ABCC4: variants seen among roughly 807,000 people sequenced by gnomAD.
ABCC4 encodes ATP binding cassette subfamily C member 4 (PEL blood group).
Under a neutral mutation model 168.5 loss-of-function variants are expected in ABCC4, and 102 were observed. The observed-to-expected ratio is 0.61, with a 90% CI of 0.52 to 0.71. The LOEUF is 0.71. Among genes scored for constraint, ABCC4 ranks in the 30% least tolerant of loss-of-function variants. The pLI is 0.00. For synonymous variants in ABCC4, 617 were observed against 590.7 expected (o/e 1.04, Z -0.65); for missense variants, 1,402 against 1,605.8 (o/e 0.87, Z 2.17).
intron 1 of ABCC4, among the ~76,000 whole-genome samples, chr13:95,289,156 G>A (rs1320671699): frequency 6.6e-6 from 1 of 152,178 alleles, no homozygotes; most frequent in Admixed American, 6.6e-5. Flanking sequence ...AAAAGAAGCG[G>A]TCAGTTGGGT....
chr13:95,293,469 C>A (rs577653160), intron 1 of ABCC4, among the ~76,000 whole-genome samples: 1 of 151,924 alleles, frequency 6.6e-6, no homozygotes, highest in Non-Finnish European at 1.5e-5. Flanking sequence ...GCTGGACACA[C>A]GGACTATGTT....
intron 20 of ABCC4, among the ~76,000 whole-genome samples, chr13:95,084,069 A>T (rs528174747): frequency 6.6e-6 from 1 of 152,338 alleles, no homozygotes; most frequent in Admixed American, 6.5e-5. Context: ...GAAATAATTT[A>T]AATCTTCACC....
intron 25 of ABCC4, among the ~76,000 whole-genome samples, chr13:95,065,930 C>A (rs542251969): frequency 4.6e-5 from 7 of 152,218 alleles, no homozygotes; most frequent in African/African-American, 7.2e-5. Context: ...GCGTCTTCCC[C>A]GTGCACTCAT....
chr13:95,090,025 C>T (rs190152465), intron 20 of ABCC4, among the ~76,000 whole-genome samples: 177 of 152,200 alleles, frequency 1.2e-3, no homozygotes, highest in African/African-American at 4.0e-3. Flanking sequence ...CAAGAACAAA[C>T]CAGCAATCCC....
At chr13:95,032,594 A>G (rs548828995) in intron 30 of ABCC4, among the ~76,000 whole-genome samples, 42 of 152,286 alleles carry the variant, frequency 2.8e-4, no homozygotes, top group Non-Finnish European at 5.6e-4. Context: ...GCTGAAGGCA[A>G]CCTAGGTTTT....
intron 19 of ABCC4, among the ~76,000 whole-genome samples, chr13:95,123,300 G>T (rs1305719489): frequency 6.6e-6 from 1 of 152,150 alleles, no homozygotes; most frequent in Non-Finnish European, 1.5e-5. Flanking sequence ...CTGCTAATTG[G>T]AATTAAAATT....
intron 19 of ABCC4, among the ~76,000 whole-genome samples, chr13:95,121,454 T>C (rs1336170839): frequency 6.9e-6 from 1 of 145,940 alleles, no homozygotes; most frequent in Non-Finnish European, 1.5e-5. Flanking sequence ...TGAGAAAAGG[T>C]CTCACTCTGT....
intron 1 of ABCC4, among the ~76,000 whole-genome samples, chr13:95,267,298 A>G (rs1370699626): frequency 1.3e-5 from 2 of 152,132 alleles, no homozygotes; most frequent in African/African-American, 2.4e-5. Context: ...CATGATAGTG[A>G]ATAGGTCTCA....
chr13:95,194,910 G>C lies in ABCC4; in HGVS notation c.1189C>G (p.Gln397Glu), dbSNP rs1346243000. The C allele has an allele frequency of 1.2e-6, 2 of 1,613,944 alleles. No homozygotes were observed. Among genetic ancestry groups the C allele is most frequent in the African/African-American group, 1.3e-5 (1 of 74,904 alleles). ...QTFLLLDEIS[Q>E]RNRQLPSDGK... The stretch of plus-strand genomic sequence containing the variant: ...TCTGACGGCAGCTGACGGTTGCGCT[G>C]TGATATCTCATCAAGTAGCAAAAAG... Residue 397 changes from glutamine (Q) to glutamate (E), a missense_variant, in exon 9 of 31, where the codon CAG becomes GAG. Transcript: ENST00000645237.
At chr13:95,025,312 CCA>C (rs1171734150) in intron 30 of ABCC4, among the ~76,000 whole-genome samples, 1 of 35,712 alleles carries the variant, frequency 2.8e-5, no homozygotes, top group African/African-American at 1.4e-4. Context: ...CGCCCACCCC[CCA>C]CACACACCCA....
intron 11 of ABCC4, 25 bp from the exon 12 acceptor site, chr13:95,178,116 G>A: frequency 6.3e-7 from 1 of 1,592,746 alleles, no homozygotes; most frequent in Admixed American, 1.7e-5. Flanking sequence ...GAAAGAAGGG[G>A]GGAAAAAGAG....
chr13:95,200,307 A>C (rs939863904), intron 8 of ABCC4, among the ~76,000 whole-genome samples: 1 of 152,198 alleles, frequency 6.6e-6, no homozygotes. Flanking sequence ...TTTAGTCTTA[A>C]GTTATCCTGA....
chr13:95,296,479 T>A (rs2041538976), intron 1 of ABCC4, among the ~76,000 whole-genome samples: 1 of 152,140 alleles, frequency 6.6e-6, no homozygotes, highest in African/African-American at 2.4e-5. Flanking sequence ...CTAGGGCAGG[T>A]CTCCAGAGAG....
intron 19 of ABCC4, among the ~76,000 whole-genome samples, chr13:95,120,939 G>A (rs1323395388): frequency 2.6e-5 from 4 of 152,192 alleles, no homozygotes; most frequent in Admixed American, 6.5e-5. Context: ...TCTGGGAGGG[G>A]AGGAAGCCAT....
chr13:95,094,867 A>G (rs971032669), intron 20 of ABCC4, among the ~76,000 whole-genome samples: 2 of 152,130 alleles, frequency 1.3e-5, no homozygotes, highest in Non-Finnish European at 2.9e-5. Context: ...GGACATGAAG[A>G]GAAAATTCTG....
intron 26 of ABCC4, among the ~76,000 whole-genome samples, chr13:95,062,413 G>T (rs61967191): frequency 0.02 from 3,082 of 151,588 alleles, 44 homozygotes; most frequent in South Asian, 0.034. Flanking sequence ...GCATCATTTT[G>T]TTCTTTATGG....
chr13:95,301,009 C>A (rs1353051781), intron 1 of ABCC4, among the ~76,000 whole-genome samples: 1 of 152,064 alleles, frequency 6.6e-6, no homozygotes, highest in Non-Finnish European at 1.5e-5. Context: ...ACTGGCCCCG[C>A]GTCCCCGCGT....
At chr13:95,224,320 G>A (rs753233429) in intron 4 of ABCC4, among the ~76,000 whole-genome samples, 1 of 151,938 alleles carries the variant, frequency 6.6e-6, no homozygotes, top group South Asian at 2.1e-4. Flanking sequence ...AGGGAGAGGG[G>A]CAGACACCAC....
chr13:95,076,385 A>T (rs2033904925), intron 21 of ABCC4, among the ~76,000 whole-genome samples: 1 of 151,910 alleles, frequency 6.6e-6, no homozygotes, highest in East Asian at 1.9e-4. Context: ...ATCTCTACAG[A>T]ATTTTAAGAA....
Sources: gnomAD v4.1 joint callset for allele counts (sites outside exome capture counted in the v4.1 genomes callset) on GRCh38, gnomAD v4.1.1 for gene constraint, MANE v1.5 for transcripts, NCBI Gene and HGNC (gene_info 2026-07-23, HGNC 2026-07-21) for gene names.